Variants in PARD3B observed in about 807,000 individuals in gnomAD.
PARD3B encodes the protein par-3 family cell polarity regulator beta, also known as partitioning defective 3 homolog B.
PARD3B carries 103 observed loss-of-function variants against 130.2 expected under a neutral mutation model. The observed-to-expected ratio is 0.79, with a 90% CI of 0.67 to 0.93. PARD3B has a LOEUF of 0.93. Among genes scored for constraint, PARD3B ranks in the 40% least tolerant of loss-of-function variants. The pLI, the probability that PARD3B is intolerant of heterozygous loss-of-function variation, is 0.00. For missense variants in PARD3B, 1,609 were observed against 1,499.2 expected (o/e 1.07, Z -1.21); for synonymous variants, 583 against 553.2 (o/e 1.05, Z -0.76).
chr2:204,930,626 T>C (rs1687961113), intron 2 of PARD3B, among the ~76,000 whole-genome samples: 2 of 152,046 alleles, frequency 1.3e-5, no homozygotes, highest in African/African-American at 4.8e-5. Flanking sequence ...TCTGGTTAAA[T>C]GTCCTTGACT....
At chr2:204,600,388 A>G (rs1027239429) in intron 1 of PARD3B, among the ~76,000 whole-genome samples, 2 of 151,594 alleles carry the variant, frequency 1.3e-5, no homozygotes, top group Non-Finnish European at 3.0e-5. Flanking sequence ...CCTTATTGAT[A>G]CCTAGTTTTC....
At chr2:204,624,039 A>G (rs530882471) in intron 1 of PARD3B, among the ~76,000 whole-genome samples, 2 of 152,116 alleles carry the variant, frequency 1.3e-5, no homozygotes, top group Non-Finnish European at 2.9e-5. Context: ...TTATTCATTC[A>G]TCTGTTGGTG....
chr2:204,787,230 G>A (rs776664377), intron 2 of PARD3B, among the ~76,000 whole-genome samples: 4 of 151,866 alleles, frequency 2.6e-5, no homozygotes, highest in African/African-American at 4.8e-5. Flanking sequence ...GCTGCCCCAG[G>A]GCTACCTTGG....
intron 15 of PARD3B, among the ~76,000 whole-genome samples, chr2:205,199,809 G>C (rs1277312050): frequency 6.6e-6 from 1 of 152,024 alleles, no homozygotes; most frequent in Admixed American, 6.6e-5. Context: ...GCACTAAAAG[G>C]CTTGTGATTA....
chr2:205,050,041 AT>A (rs1435923984), intron 4 of PARD3B, among the ~76,000 whole-genome samples: 1 of 152,090 alleles, frequency 6.6e-6, no homozygotes, highest in Non-Finnish European at 1.5e-5. Flanking sequence ...ATTGTGCCTT[AT>A]GTATCTTTAT....
intron 2 of PARD3B, among the ~76,000 whole-genome samples, chr2:204,703,782 C>T (rs1479560410): frequency 1.3e-5 from 2 of 152,056 alleles, no homozygotes; most frequent in East Asian, 3.9e-4. Context: ...AGAATGTACA[C>T]CACATAGTTT....
intron 2 of PARD3B, among the ~76,000 whole-genome samples, chr2:204,830,024 A>G (rs1012805520): frequency 1.4e-5 from 2 of 144,552 alleles, no homozygotes; most frequent in South Asian, 2.2e-4. Flanking sequence ...AAAAAAAAAA[A>G]TGTGTAGCAC....
chr2:205,230,119 C>T lies in PARD3B; in HGVS notation c.2141-15659C>T, dbSNP rs966782967. Among the ~76,000 whole-genome samples, 2 of 151,970 alleles carry T rather than the reference C, an allele frequency of 1.3e-5. No individual in the cohort carries two copies. The highest frequency in any genetic ancestry group is 2.4e-5 in the African/African-American group (1 of 41,374). On this transcript the variant is annotated intron_variant, in intron 15 of 22. Coordinates refer to ENST00000406610, the MANE Select transcript of PARD3B (RefSeq NM_001302769.2). The surrounding 1 kb of genome is among the most constrained non-coding windows in gnomAD (Gnocchi z 4.1). Reference sequence around the variant, plus strand: ...AGTGTGGAATTGGTGATCCCAAGAACCCGCTTTGTGCTCTATACCACTACG... The same window carrying T: ...AGTGTGGAATTGGTGATCCCAAGAATCCGCTTTGTGCTCTATACCACTACG...
intron 2 of PARD3B, among the ~76,000 whole-genome samples, chr2:204,726,310 T>G (rs1265984412): frequency 6.6e-6 from 1 of 152,204 alleles, no homozygotes; most frequent in Admixed American, 6.5e-5. Context: ...TTAAAATGTA[T>G]TCCCAGTTTA....
chr2:204,704,953 T>C (rs547389376), intron 2 of PARD3B, among the ~76,000 whole-genome samples: 5 of 152,278 alleles, frequency 3.3e-5, no homozygotes, highest in East Asian at 3.9e-4. Context: ...AGGCATTATG[T>C]AGTAGTATTT....
chr2:205,459,863 C>G (rs1198296577), intron 20 of PARD3B, among the ~76,000 whole-genome samples: 1 of 152,146 alleles, frequency 6.6e-6, no homozygotes, highest in African/African-American at 2.4e-5. Context: ...AGACCTTTGT[C>G]TCGTTTGTTT....
At chr2:205,113,213 T>A (rs1164377441) in intron 5 of PARD3B, among the ~76,000 whole-genome samples, 3 of 152,166 alleles carry the variant, frequency 2.0e-5, no homozygotes, top group Admixed American at 2.0e-4. Context: ...TTATGCAGAT[T>A]AAGTTAAGTA....
rs112637138 is a variant in PARD3B at position 204,942,855 on chromosome 2, T to C, written c.223-22297T>C. Among the ~76,000 whole-genome samples the C allele has an allele frequency of 4.5e-4, 69 of 152,194 alleles. 1 individual carries two copies. The highest frequency in any genetic ancestry group is 1.5e-3 in the African/African-American group (62 of 41,518). ...AAAGAAAAAAATTAAGAAATACTTTTTGTGAAAAAAGGAACAACAGAAACT... is the reference window on the plus strand; with the variant it reads ...AAAGAAAAAAATTAAGAAATACTTTCTGTGAAAAAAGGAACAACAGAAACT... On this transcript the variant is annotated intron_variant, in intron 2 of 22. Coordinates refer to ENST00000406610, the MANE Select transcript of PARD3B (RefSeq NM_001302769.2).
chr2:204,942,623 T>TAA (rs968424440), intron 2 of PARD3B, among the ~76,000 whole-genome samples: 1 of 144,708 alleles, frequency 6.9e-6, no homozygotes, highest in African/African-American at 2.5e-5. Flanking sequence ...TACAGGTATT[T>TAA]AAAAAAAAAA....
chr2:205,180,215 G>A (rs758015125), intron 13 of PARD3B, among the ~76,000 whole-genome samples: 5 of 148,422 alleles, frequency 3.4e-5, no homozygotes, highest in African/African-American at 7.5e-5. Flanking sequence ...ATAAAATTTA[G>A]GCCTATCAAA....
At chr2:205,450,635 G>A (rs1042625082) in intron 20 of PARD3B, among the ~76,000 whole-genome samples, 3 of 151,584 alleles carry the variant, frequency 2.0e-5, no homozygotes, top group Non-Finnish European at 4.4e-5. Flanking sequence ...CACCACATCC[G>A]GCTAATTTTT....
At chr2:205,190,688 T>C (rs2036347818) in intron 14 of PARD3B, among the ~76,000 whole-genome samples, 1 of 152,174 alleles carries the variant, frequency 6.6e-6, no homozygotes, top group African/African-American at 2.4e-5. Context: ...AGGTGACCTT[T>C]AATCCCTTCT....
chr2:204,766,965 C>CTTTTTTTT (rs68009060), intron 2 of PARD3B, among the ~76,000 whole-genome samples: 2 of 114,484 alleles, frequency 1.7e-5, no homozygotes, highest in African/African-American at 3.4e-5. Context: ...TTTTCTTTTT[C>CTTTTTTTT]TTTTTTTTTT....
At chr2:204,900,841 C>G (rs1485107454) in intron 2 of PARD3B, among the ~76,000 whole-genome samples, 1 of 152,158 alleles carries the variant, frequency 6.6e-6, no homozygotes, top group African/African-American at 2.4e-5. Context: ...ATCTGCATTA[C>G]CTAAAAGTAA....
Sources: gnomAD v4.1 joint callset for allele counts (sites outside exome capture counted in the v4.1 genomes callset) on GRCh38, gnomAD v4.1.1 for gene constraint, Gnocchi (gnomAD v3.1) non-coding constraint, MANE v1.5 for transcripts, NCBI Gene and HGNC (gene_info 2026-07-23, HGNC 2026-07-21) for gene names.